GAL3ST4: variants seen among roughly 807,000 people sequenced by gnomAD.
GAL3ST4 encodes galactose-3-O-sulfotransferase 4.
A neutral mutation model predicts 31.6 loss-of-function variants in GAL3ST4; 30 were observed. The ratio of observed to expected loss-of-function variants is 0.95; its 90% CI spans 0.71 to 1.29. The LOEUF (loss-of-function observed/expected upper bound fraction) is 1.29. GAL3ST4 is among the 50% of genes most tolerant of loss of function. The pLI is 0.00. For synonymous variants in GAL3ST4, 248 were observed against 256.9 expected, an observed-to-expected ratio of 0.97 and a Z score of 0.33; for missense variants, 629 against 625.2, an observed-to-expected ratio of 1.01 and a Z score of -0.06.
Position 100,160,487 on chromosome 7 carries a change from A to G in GAL3ST4, c.902T>C (p.Val301Ala), listed in dbSNP as rs761574833. 1 of 1,614,026 alleles carries G rather than the reference A, an allele frequency of 6.2e-7. No individual in the cohort carries two copies. Among genetic ancestry groups the G allele is most frequent in the Non-Finnish European group, 8.5e-7 (1 of 1,180,018 alleles). ...CTCATCGAAGTACTCAGCCACCATG[A>G]CCAGGTCAAAGACAGAGTCCAGCCA... ...LAWLDSVFDL[V>A]MVAEYFDESL... The change falls in exon 4 of 4, where the codon GTC (valine) becomes GCC (alanine). Residue 301 changes from valine (V) to alanine (A), a missense_variant. Transcript: ENST00000360039.
chr7:100,163,456 A>G (rs77352925), intron 3 of GAL3ST4, among the ~76,000 whole-genome samples: 2,076 of 150,248 alleles, frequency 0.014, 51 homozygotes, highest in African/African-American at 0.048. Flanking sequence ...GCACACCTGA[A>G]TAGCAGCCTG....
Position 100,168,453 on chromosome 7 carries a change from C to T in GAL3ST4, c.-189+93G>A, listed in dbSNP as rs1006643250. On this transcript the variant is annotated intron_variant, in intron 1 of 3. Coordinates refer to ENST00000360039, the MANE Select transcript of GAL3ST4 (RefSeq NM_024637.5). The surrounding 1 kb of genome is among the most constrained non-coding windows in gnomAD (Gnocchi z 4.1). ...TCCAGCTTTGGTGACTGCCCAGTTG[C>T]CCCCGCTGGGGTTCCATGAACCCCT... 1.3e-5 allele frequency: 2 copies of T among 152,582 alleles called. No homozygotes were observed. The highest frequency in any genetic ancestry group is 6.5e-5 in the Admixed American group (1 of 15,284). The allele number at this position is 152,582 out of a possible 1,614,324, so 9.5% of individuals were successfully genotyped here.
In GAL3ST4 at chr7:100,160,584, G is replaced by A. The variant is rs762337506; in HGVS notation, c.805C>T (p.His269Tyr). Residue 269 changes from histidine to tyrosine, a missense_variant, in exon 4 of 4, where the codon CAT (histidine) becomes TAT (tyrosine). By Grantham distance (83) the His-to-Tyr change is moderately conservative. Coordinates refer to ENST00000360039, the MANE Select transcript of GAL3ST4 (RefSeq NM_024637.5). ...LIHPVSTVTD[H>Y]RSQISSPASF... is the part of the protein sequence containing the mutation. ...GCAGGGCTTGATATCTGGCTGCGAT[G>A]ATCAGTAACAGTGGAAACAGGATGG... 36 of 1,613,670 alleles carry A rather than the reference G, an allele frequency of 2.2e-5. No individual in the cohort carries two copies. The highest frequency in any genetic ancestry group is 3.0e-5 in the Non-Finnish European group (35 of 1,180,046).
At chr7:100,166,328 T>C (rs921595062) in intron 3 of GAL3ST4, among the ~76,000 whole-genome samples, 174 bp downstream of exon 3, 2 of 152,114 alleles carry the variant, frequency 1.3e-5, no homozygotes, top group African/African-American at 4.8e-5. Context: ...CAGAAACTAC[T>C]GGGGAAGGGA....
In GAL3ST4 at chr7:100,166,765, G is replaced by A; in HGVS notation, c.166C>T (p.Leu56=). 1 of 1,612,960 alleles carries A rather than the reference G, an allele frequency of 6.2e-7. No individual in the cohort carries two copies. ...LQLRQPSAPS[L]RPALPSCPPR... ...GGGCAGGACGGAAGGGCTGGTCGTA[G>A]GGATGGGGCCGAGGGCTGTCGGAGC... Residue 56 remains leucine, a synonymous_variant, in exon 3 of 4, where the codon CTA becomes TTA. Coordinates refer to ENST00000360039, the MANE Select transcript of GAL3ST4 (RefSeq NM_024637.5).
At chr7:100,165,452 G>A (rs1799057141) in intron 3 of GAL3ST4, among the ~76,000 whole-genome samples, 1 of 152,168 alleles carries the variant, frequency 6.6e-6, no homozygotes, top group Middle Eastern at 3.4e-3. Flanking sequence ...CTTAGTCCCG[G>A]GCTAAAAATA....
At position 100,160,170 on chromosome 7, in the gene GAL3ST4, A is replaced by G; in HGVS notation, c.1219T>C (p.Cys407Arg). 1 of 1,614,044 alleles carries G rather than the reference A, an allele frequency of 6.2e-7. No individual in the cohort carries two copies. The stretch of plus-strand genomic sequence containing the variant: ...TCAGAAGCCTCACCCCCTACCAGAC[A>G]ATGTTTCGCTAGGGCCTCTCGGCGA... Reference protein sequence around the residue: ...RARREALAKHCLVGGEASDPK... With the variant: ...RARREALAKHRLVGGEASDPK... The change falls in exon 4 of 4, where the codon TGT becomes CGT. Residue 407 changes from cysteine (C) to arginine (R), a missense_variant. By Grantham distance (180) the Cys-to-Arg change is radical. Transcript: ENST00000360039.
chr7:100,167,358 T>G, intron 1 of GAL3ST4, 75 bp from the exon 2 acceptor site: 1 of 702,034 alleles, frequency 1.4e-6, no homozygotes, highest in Non-Finnish European at 2.2e-6. Flanking sequence ...CTGCTGCAGC[T>G]GAGACCTCCT....
chr7:100,160,806 A>C lies in GAL3ST4; in HGVS notation c.583T>G (p.Phe195Val). The C allele has an allele frequency of 6.2e-7, 1 of 1,614,204 alleles. No individual in the cohort carries two copies. Among genetic ancestry groups the C allele is most frequent in the Non-Finnish European group, 8.5e-7 (1 of 1,180,018 alleles). The change falls in exon 4 of 4, where the codon TTC (phenylalanine) becomes GTC (valine). Residue 195 changes from phenylalanine (F) to valine (V), a missense_variant. Coordinates refer to ENST00000360039, the MANE Select transcript of GAL3ST4 (RefSeq NM_024637.5). Reference sequence around the variant, plus strand: ...TCCCCACGGGCCCCAGGCCTGTAGAAGCCTCGAGGATTGGCCAGGAAGGCA... The same window carrying C: ...TCCCCACGGGCCCCAGGCCTGTAGACGCCTCGAGGATTGGCCAGGAAGGCA... ...LAAFLANPRGFYRPGARGDHY... is the reference protein window; with the variant it reads ...LAAFLANPRGVYRPGARGDHY...
chr7:100,161,192 T>C (rs577642938), intron 3 of GAL3ST4, among the ~76,000 whole-genome samples: 1 of 152,278 alleles, frequency 6.6e-6, no homozygotes, highest in African/African-American at 2.4e-5. Context: ...CTATGAAAGA[T>C]ACATGAGATA....
At position 100,160,125 on chromosome 7, in the gene GAL3ST4, G is replaced by C. The variant is rs773063060; in HGVS notation, c.1264C>G (p.Arg422Gly). 2 of 1,613,954 alleles carry C rather than the reference G, an allele frequency of 1.2e-6. No individual in the cohort carries two copies. ...CCAAACTGGAAGGGGCGGAACCGGC[G>C]ATCAGTGATGTATTTGGGGTCAGAA... ...EASDPKYITD[R>G]RFRPFQFGSA... is the part of the protein sequence containing the mutation. Residue 422 changes from arginine (R) to glycine (G), a missense_variant, in exon 4 of 4, where the codon CGC becomes GGC. Arg to Gly is a moderately radical substitution (Grantham distance 125, BLOSUM62 -2). Coordinates refer to ENST00000360039, the MANE Select transcript of GAL3ST4 (RefSeq NM_024637.5).
chr7:100,160,036 A>C lies in GAL3ST4; in HGVS notation c.1353T>G (p.Cys451Trp). The change falls in exon 4 of 4, where the codon TGT (cysteine) becomes TGG (tryptophan). Residue 451 changes from cysteine to tryptophan, a missense_variant. Cys to Trp is a radical substitution (Grantham distance 215). Coordinates refer to ENST00000360039, the MANE Select transcript of GAL3ST4 (RefSeq NM_024637.5). ...SGLSPQDQEE[C>W]ERLATPELQY... is the part of the protein sequence containing the mutation. The stretch of plus-strand genomic sequence containing the variant: ...GGAGCTCAGGGGTAGCTAGGCGCTC[A>C]CATTCCTCTTGGTCTTGGGGGCTCA... 1.2e-6 allele frequency: 2 copies of C among 1,614,044 alleles called. No homozygotes were observed. Among genetic ancestry groups the C allele is most frequent in the Non-Finnish European group, 1.7e-6 (2 of 1,179,996 alleles).
intron 3 of GAL3ST4, among the ~76,000 whole-genome samples, chr7:100,166,300 G>A (rs1229527830): frequency 6.6e-6 from 1 of 152,208 alleles, no homozygotes; most frequent in Admixed American, 6.5e-5. Context: ...AGAGAGAAGG[G>A]AGGAGGACTT....
Position 100,168,312 on chromosome 7 carries a change from T to C in GAL3ST4, c.-189+234A>G, listed in dbSNP as rs551699101. ...TGCCCTCTCTGGCATCACTCCCCAATTCCCTCCCTGATCACAGCCCCTGGG... is the reference window on the plus strand; with the variant it reads ...TGCCCTCTCTGGCATCACTCCCCAACTCCCTCCCTGATCACAGCCCCTGGG... On this transcript the variant is annotated intron_variant, in intron 1 of 3. Coordinates refer to ENST00000360039, the MANE Select transcript of GAL3ST4 (RefSeq NM_024637.5). The surrounding 1 kb of genome is among the most constrained non-coding windows in gnomAD (Gnocchi z 4.1). 1.2e-3 allele frequency among the ~76,000 whole-genome samples: 185 copies of C among 152,094 alleles called. No homozygotes were observed. The highest frequency in any genetic ancestry group is 4.2e-3 in the African/African-American group (176 of 41,504).
At chr7:100,163,942 G>A (rs777792989) in intron 3 of GAL3ST4, among the ~76,000 whole-genome samples, 5 of 152,180 alleles carry the variant, frequency 3.3e-5, no homozygotes, top group Non-Finnish European at 7.3e-5. Flanking sequence ...ACTTTGGGCG[G>A]GTTATTGAAG....
In GAL3ST4 at chr7:100,160,157, C is replaced by A; in HGVS notation, c.1232G>T (p.Gly411Val). The A allele has an allele frequency of 6.2e-7, 1 of 1,613,980 alleles. No homozygotes were observed. The highest frequency in any genetic ancestry group is 8.5e-7 in the Non-Finnish European group (1 of 1,179,896). ...GATGTATTTGGGGTCAGAAGCCTCA[C>A]CCCCTACCAGACAATGTTTCGCTAG... is the stretch of plus-strand genomic sequence containing the variant. ...EALAKHCLVG[G>V]EASDPKYITD... Residue 411 changes from glycine to valine, a missense_variant, in exon 4 of 4, where the codon GGT becomes GTT. Transcript: ENST00000360039.
chr7:100,159,286 G>C lies in GAL3ST4; in HGVS notation c.*642C>G, dbSNP rs1420921332. On this transcript the variant is annotated 3_prime_UTR_variant, in exon 4 of 4. Transcript: ENST00000360039. ...ATTCATTCAACAAACATGTCAGAGA[G>C]AAATGAACAGTCTAGTAGCAAATAT... The C allele has an allele frequency of 6.6e-6, 1 of 152,198 alleles. No individual in the cohort carries two copies. Among genetic ancestry groups the C allele is most frequent in the East Asian group, 1.9e-4 (1 of 5,200 alleles). The allele number at this position is 152,198 out of a possible 1,614,324, so 9.4% of individuals were successfully genotyped here. A position where few individuals can be genotyped will look rare whatever the true frequency, so the allele number is the denominator to read the frequency against.
Position 100,166,723 on chromosome 7 carries a change from C to G in GAL3ST4, c.208G>C (p.Val70Leu). 1 of 1,614,050 alleles carries G rather than the reference C, an allele frequency of 6.2e-7. No individual in the cohort carries two copies. The highest frequency in any genetic ancestry group is 1.1e-5 in the South Asian group (1 of 91,080). ...CCGGATTTATGTGTCTTCAGGAACA[C>G]CAGTCGCTGCCGGGGTGGGCAGGAC... ...LPSCPPRQRL[V>L]FLKTHKSGSS... Residue 70 changes from valine to leucine, a missense_variant, in exon 3 of 4, where the codon GTG becomes CTG. Coordinates refer to ENST00000360039, the MANE Select transcript of GAL3ST4 (RefSeq NM_024637.5).
Position 100,166,530 on chromosome 7 carries a change from C to CCA in GAL3ST4, c.400_401insTG (p.Cys134LeufsTer5), listed in dbSNP as rs774243166. 5.6e-6 allele frequency: 9 copies of CCA among 1,613,742 alleles called. No homozygotes were observed. Among genetic ancestry groups the CCA allele is most frequent in the Non-Finnish European group, 8.5e-7 (1 of 1,179,866 alleles). ...TTTCAGGTTGAACCTCATGTGGTGA[C>CCA]AGAGGATGTGGAAGGGGAGCTGGGT... On this transcript the variant is annotated frameshift_variant, in exon 3 of 4. Coordinates refer to ENST00000360039, the MANE Select transcript of GAL3ST4 (RefSeq NM_024637.5). LOFTEE classifies it high-confidence loss of function.
Sources: allele counts gnomAD v4.1 joint callset (sites outside exome capture counted in the v4.1 genomes callset), GRCh38; gene constraint gnomAD v4.1.1; non-coding constraint Gnocchi (gnomAD v3.1); transcripts MANE v1.5; gene names NCBI Gene and HGNC (gene_info 2026-07-23, HGNC 2026-07-21).